Variants in NRP2 observed in about 807,000 individuals in gnomAD.
NRP2 encodes the protein neuropilin 2.
A neutral mutation model predicts 110.4 loss-of-function variants in NRP2; 52 were observed. The ratio of observed to expected loss-of-function variants is 0.47; its 90% CI spans 0.38 to 0.59. NRP2 has a LOEUF of 0.59. Among genes scored for constraint, NRP2 ranks in the 20% least tolerant of loss-of-function variants. NRP2 has a pLI of 0.00. For synonymous variants in NRP2, 508 were observed against 468.9 expected, an observed-to-expected ratio of 1.08 and a Z score of -1.08; for missense variants, 1,049 against 1,203.0, an observed-to-expected ratio of 0.87 and a Z score of 1.89.
chr2:205,752,966 A>G lies in NRP2; in HGVS notation c.2035A>G (p.Thr679Ala). The change falls in exon 12 of 17, where the codon ACG becomes GCG. Residue 679 changes from threonine to alanine, a missense_variant. Coordinates refer to ENST00000357785, the MANE Select transcript of NRP2 (RefSeq NM_003872.3). Reference protein sequence around the residue: ...WASSSSPNDRTFPDDRNFLRL... With the variant: ...WASSSSPNDRAFPDDRNFLRL... ...CAGCAGCTCCAGCCCAAACGACCGG[A>G]CGTTTCCAGGTAAGCCAGCTGTGAG... 2.5e-6 allele frequency: 4 copies of G among 1,613,478 alleles called. No individual in the cohort carries two copies. Among genetic ancestry groups the G allele is most frequent in the Non-Finnish European group, 3.4e-6 (4 of 1,179,994 alleles).
chr2:205,793,289 T>TA (rs967393728), intron 16 of NRP2, among the ~76,000 whole-genome samples: 1 of 152,254 alleles, frequency 6.6e-6, no homozygotes, highest in Non-Finnish European at 1.5e-5. Context: ...AACTGCTTGC[T>TA]AAGCCTGTGA....
At chr2:205,715,804 T>C (rs2056883473) in intron 2 of NRP2, among the ~76,000 whole-genome samples, 1 of 152,060 alleles carries the variant, frequency 6.6e-6, no homozygotes, top group Admixed American at 6.5e-5. Context: ...AAATTGATGC[T>C]CAAAGGGGTT....
chr2:205,701,760 G>A (rs1327995086), intron 2 of NRP2, among the ~76,000 whole-genome samples: 2 of 152,134 alleles, frequency 1.3e-5, no homozygotes, highest in East Asian at 1.9e-4. Flanking sequence ...TCCAGATACT[G>A]AAATATCCAC....
At chr2:205,771,216 G>A (rs1013262052) in intron 15 of NRP2, among the ~76,000 whole-genome samples, 28 of 152,172 alleles carry the variant, frequency 1.8e-4, no homozygotes, top group African/African-American at 6.3e-4. Context: ...ACATCCCGGC[G>A]CCTCCCGCCA....
chr2:205,759,736 G>T (rs938081607), intron 12 of NRP2: 2 of 152,130 alleles, frequency 1.3e-5, no homozygotes, highest in East Asian at 1.9e-4. Context: ...GTTATTGGTG[G>T]TCTTTCTATC....
chr2:205,794,405 C>T (rs747338441), intron 16 of NRP2, among the ~76,000 whole-genome samples: 14 of 152,210 alleles, frequency 9.2e-5, no homozygotes, highest in East Asian at 1.9e-4. Flanking sequence ...CCACCGCGCC[C>T]GGCCTCAAAT....
intron 15 of NRP2, among the ~76,000 whole-genome samples, chr2:205,771,618 T>C (rs1425775435): frequency 6.6e-6 from 1 of 152,224 alleles, no homozygotes; most frequent in East Asian, 1.9e-4. Context: ...CTATAGTATA[T>C]GCTTTCTCAT....
intron 9 of NRP2, 53 bp from the exon 10 acceptor site, chr2:205,745,693 T>C (rs923069204): frequency 6.2e-7 from 1 of 1,610,004 alleles, no homozygotes; most frequent in African/African-American, 1.3e-5. Context: ...GGGAAGAAGG[T>C]GATAGGGACT....
chr2:205,755,166 T>A (rs375003184), intron 12 of NRP2, among the ~76,000 whole-genome samples: 2 of 152,174 alleles, frequency 1.3e-5, no homozygotes, highest in African/African-American at 4.8e-5. Flanking sequence ...TGACCTTTGC[T>A]ACTGGTTGGG....
rs144880811 is a variant in NRP2, at chr2:205,763,907, A to G, written c.2278A>G (p.Ile760Val). The G allele has an allele frequency of 2.2e-5, 36 of 1,614,118 alleles. No individual in the cohort carries two copies. The Middle Eastern group carries it at 5.0e-4, about 22-fold the overall frequency. Residue 760 changes from isoleucine (I) to valine (V), a missense_variant, in exon 13 of 17, where the codon ATC becomes GTC. Ile to Val is a conservative substitution (Grantham distance 29, BLOSUM62 3). Transcript: ENST00000357785. The surrounding 1 kb of genome is among the most constrained non-coding windows in gnomAD (Gnocchi z 4.0). ...CGGCGAGTGGAAGCACGGGCGGATC[A>G]TCCTGCCCAGCTACGACATGGAGTA... ...QGGEWKHGRIILPSYDMEYQI... is the reference protein window; with the variant it reads ...QGGEWKHGRIVLPSYDMEYQI...
chr2:205,719,184 T>C (rs2056961872), intron 3 of NRP2, among the ~76,000 whole-genome samples: 1 of 152,062 alleles, frequency 6.6e-6, no homozygotes, highest in Non-Finnish European at 1.5e-5. Context: ...GTCGGATTCA[T>C]AGAGAGGAAG....
chr2:205,778,802 A>G (rs536180291), intron 15 of NRP2: 4 of 152,298 alleles, frequency 2.6e-5, no homozygotes, highest in Admixed American at 1.3e-4. Flanking sequence ...ATCTTTATGT[A>G]CATGCCTTAG....
chr2:205,793,146 A>C (rs1330607710), intron 16 of NRP2, among the ~76,000 whole-genome samples: 1 of 152,106 alleles, frequency 6.6e-6, no homozygotes, highest in African/African-American at 2.4e-5. Flanking sequence ...CCAGTCCAAC[A>C]CTCCTTTTAT....
At chr2:205,707,289 C>T (rs563412302) in intron 2 of NRP2, among the ~76,000 whole-genome samples, 3 of 152,252 alleles carry the variant, frequency 2.0e-5, no homozygotes, top group African/African-American at 7.2e-5. Context: ...CAAACGGAAG[C>T]GGTTCCAGCT....
At chr2:205,748,256 T>C (rs188115672) in intron 10 of NRP2, among the ~76,000 whole-genome samples, 22 of 152,302 alleles carry the variant, frequency 1.4e-4, no homozygotes, top group Admixed American at 1.2e-3. Context: ...CTCACACTCA[T>C]CTTCGGTTCA....
At position 205,773,782 on chromosome 2, in the gene NRP2, G is replaced by A. The variant is rs1033074705; in HGVS notation, c.2425+6979G>A. On this transcript the variant is annotated intron_variant, in intron 15 of 16. Transcript: ENST00000357785. ...GTTGTGTATTTTGTGTTGGAAACCA[G>A]CATTTTGGCTGAAGGAAAGCAGACT... Among the ~76,000 whole-genome samples the A allele has an allele frequency of 3.9e-5, 6 of 152,320 alleles. No individual in the cohort carries two copies. In the East Asian group the frequency reaches 1.2e-3, roughly 29 times the overall value.
intron 15 of NRP2, chr2:205,776,812 A>G: frequency 7.6e-7 from 1 of 1,323,226 alleles, no homozygotes; most frequent in Non-Finnish European, 9.7e-7. Context: ...TCCACAACTC[A>G]AGGCTCAGCT....
rs968664919 is a variant in NRP2 at position 205,763,458 on chromosome 2, C to T, written c.2045-216C>T. ...GATACCGAGAAATAGGCAGGAGGGA[C>T]CGATTTGACTTAGAGACTCTTAAGA... On this transcript the variant is annotated intron_variant, in intron 12 of 16. Transcript: ENST00000357785. This position sits in a 1 kb window ranked among gnomAD's most constrained non-coding sequence, Gnocchi z 4.0. Among the ~76,000 whole-genome samples the T allele has an allele frequency of 6.6e-6, 1 of 151,964 alleles. No individual in the cohort carries two copies. Among genetic ancestry groups the T allele is most frequent in the Non-Finnish European group, 1.5e-5 (1 of 68,006 alleles).
In NRP2 at chr2:205,723,904, G is replaced by T; in HGVS notation, c.784G>T (p.Ala262Ser). ...DMAVAKDGFS[A>S]RYYLVHQEPL... The stretch of plus-strand genomic sequence containing the variant: ...GGCGGTGGCCAAGGATGGCTTCTCT[G>T]CGCGTTACTACCTGGTCCACCAAGA... Residue 262 changes from alanine to serine, a missense_variant, in exon 5 of 17, where the codon GCG becomes TCG. Physicochemically the swap from Ala to Ser is moderately conservative, Grantham distance 99 (BLOSUM62 1). Coordinates refer to ENST00000357785, the MANE Select transcript of NRP2 (RefSeq NM_003872.3). 6.2e-7 allele frequency: 1 copy of T among 1,614,172 alleles called. No individual in the cohort carries two copies. Among genetic ancestry groups the T allele is most frequent in the Non-Finnish European group, 8.5e-7 (1 of 1,180,016 alleles).
Sources: allele counts gnomAD v4.1 joint callset (sites outside exome capture counted in the v4.1 genomes callset), GRCh38; gene constraint gnomAD v4.1.1; non-coding constraint Gnocchi (gnomAD v3.1); transcripts MANE v1.5; gene names NCBI Gene and HGNC (gene_info 2026-07-23, HGNC 2026-07-21).